GMDS: variants seen among roughly 807,000 people sequenced by gnomAD.
GMDS encodes GDP-mannose 4,6 dehydratase.
A neutral mutation model predicts 49.9 loss-of-function variants in GMDS; 20 were observed. The observed-to-expected ratio is 0.40, with a 90% CI of 0.28 to 0.58. The LOEUF (loss-of-function observed/expected upper bound fraction) is 0.58. Ranked by LOEUF, GMDS falls within the 20% of genes least tolerant of loss-of-function variation. GMDS has a pLI of 0.42. For synonymous variants in GMDS, 177 were observed against 178.6 expected (o/e 0.99, Z 0.07); for missense variants, 362 against 481.4 (o/e 0.75, Z 2.32).
intron 4 of GMDS, among the ~76,000 whole-genome samples, chr6:1,969,826 G>C (rs1447079810): frequency 6.6e-6 from 1 of 152,204 alleles, no homozygotes; most frequent in Non-Finnish European, 1.5e-5. Flanking sequence ...TCTAAGTACA[G>C]AGAAAGCATC....
intron 7 of GMDS, among the ~76,000 whole-genome samples, 167 bp from the exon 8 acceptor site, chr6:1,742,753 C>T (rs570837906): frequency 3.9e-5 from 6 of 152,222 alleles, no homozygotes; most frequent in Non-Finnish European, 8.8e-5. Flanking sequence ...ACTGAGTATC[C>T]GAATAACATG....
chr6:1,905,948 G>A (rs1393270047), intron 7 of GMDS, among the ~76,000 whole-genome samples: 2 of 152,068 alleles, frequency 1.3e-5, no homozygotes, highest in Admixed American at 6.5e-5. Context: ...CCAGGTGGCT[G>A]TTGAGTCCAA....
chr6:1,746,816 C>T (rs1767517596), intron 7 of GMDS, among the ~76,000 whole-genome samples: 1 of 152,074 alleles, frequency 6.6e-6, no homozygotes, highest in Admixed American at 6.5e-5. Context: ...ATTCTCCTGC[C>T]TCAGACTCCC....
intron 1 of GMDS, among the ~76,000 whole-genome samples, chr6:2,181,929 G>A (rs1778558904): frequency 6.6e-6 from 1 of 152,192 alleles, no homozygotes; most frequent in Non-Finnish European, 1.5e-5. Context: ...TAAGCTTAGG[G>A]AGAAAGACAT....
chr6:1,966,579 T>A (rs1362282995), intron 4 of GMDS, among the ~76,000 whole-genome samples: 1 of 151,818 alleles, frequency 6.6e-6, no homozygotes, highest in Non-Finnish European at 1.5e-5. Flanking sequence ...GTGCTGAGGG[T>A]TTTCTCCCCG....
chr6:1,910,001 A>G (rs1475251219), intron 7 of GMDS, among the ~76,000 whole-genome samples: 4 of 152,212 alleles, frequency 2.6e-5, no homozygotes, highest in Non-Finnish European at 5.9e-5. Flanking sequence ...TGAAGTATAA[A>G]ATGTACACTG....
chr6:1,864,230 T>C (rs1366555394), intron 7 of GMDS, among the ~76,000 whole-genome samples: 1 of 152,210 alleles, frequency 6.6e-6, no homozygotes, highest in Non-Finnish European at 1.5e-5. Flanking sequence ...GGGAAGCTAT[T>C]GTTAACTTCT....
At chr6:1,693,535 G>A (rs573783214) in intron 9 of GMDS, among the ~76,000 whole-genome samples, 23 of 152,292 alleles carry the variant, frequency 1.5e-4, no homozygotes, top group East Asian at 7.7e-4. Context: ...ACTGTCCTCC[G>A]TTGCCTGACA....
chr6:1,969,230 C>G (rs3927456), intron 4 of GMDS, among the ~76,000 whole-genome samples: 42,191 of 127,840 alleles, frequency 0.33, 6,784 homozygotes, highest in Admixed American at 0.41. Flanking sequence ...CCACTGCACT[C>G]CAGCCTGGGT....
chr6:2,102,657 C>T (rs991099380), intron 4 of GMDS, among the ~76,000 whole-genome samples: 5 of 152,168 alleles, frequency 3.3e-5, no homozygotes, highest in African/African-American at 1.2e-4. Context: ...TACGCAGTCA[C>T]CTGCAAAACA....
intron 8 of GMDS, among the ~76,000 whole-genome samples, chr6:1,736,844 A>AT (rs375892310): frequency 1.5e-4 from 23 of 152,172 alleles, no homozygotes; most frequent in African/African-American, 5.6e-4. Flanking sequence ...GAGTGGAGGG[A>AT]TGTGCTCTCC....
chr6:1,670,788 G>A (rs1764396567), intron 9 of GMDS, among the ~76,000 whole-genome samples: 1 of 152,156 alleles, frequency 6.6e-6, no homozygotes, highest in African/African-American at 2.4e-5. Flanking sequence ...AGTTCCAAAC[G>A]TTGAAGTCAT....
chr6:2,081,204 T>C (rs1373287625), intron 4 of GMDS, among the ~76,000 whole-genome samples: 1 of 151,972 alleles, frequency 6.6e-6, no homozygotes, highest in Non-Finnish European at 1.5e-5. Context: ...ACTTCTGTGG[T>C]GGAAAAAAAA....
chr6:1,834,625 GA>G (rs1756839449), intron 7 of GMDS, among the ~76,000 whole-genome samples: 1 of 152,124 alleles, frequency 6.6e-6, no homozygotes, highest in African/African-American at 2.4e-5. Context: ...TTCTTAAAGA[GA>G]ATTGAAGGGC....
intron 1 of GMDS, among the ~76,000 whole-genome samples, chr6:2,239,428 CATA>C (rs762913529): frequency 1.1e-3 from 171 of 152,080 alleles, no homozygotes; most frequent in Middle Eastern, 0.01. Flanking sequence ...CTATTGTACA[CATA>C]ATAAGTCAGC....
chr6:1,827,595 T>A (rs1379603153), intron 7 of GMDS, among the ~76,000 whole-genome samples: 1 of 152,208 alleles, frequency 6.6e-6, no homozygotes, highest in Non-Finnish European at 1.5e-5. Context: ...TTATTTCAAC[T>A]TCCACTGGCT....
chr6:2,107,988 A>G (rs905689453), intron 4 of GMDS, among the ~76,000 whole-genome samples: 1 of 152,236 alleles, frequency 6.6e-6, no homozygotes, highest in African/African-American at 2.4e-5. Context: ...ACATCTAAAA[A>G]TTACATAAGA....
intron 7 of GMDS, among the ~76,000 whole-genome samples, chr6:1,875,784 G>C (rs567322481): frequency 6.6e-6 from 1 of 152,158 alleles, no homozygotes; most frequent in South Asian, 2.1e-4. Context: ...CCAGCACTTT[G>C]GGAGGCTGAG....
chr6:1,876,205 C>T (rs1278680187), intron 7 of GMDS, among the ~76,000 whole-genome samples: 1 of 151,786 alleles, frequency 6.6e-6, no homozygotes, highest in Non-Finnish European at 1.5e-5. Context: ...TTGCAGTGAG[C>T]CGAGATCGCA....
Sources: gnomAD v4.1 joint callset for allele counts (sites outside exome capture counted in the v4.1 genomes callset) on GRCh38, gnomAD v4.1.1 for gene constraint, MANE v1.5 for transcripts, NCBI Gene and HGNC (gene_info 2026-07-23, HGNC 2026-07-21) for gene names.